TAX1BP1: variants seen among roughly 807,000 people sequenced by gnomAD.
The protein encoded by TAX1BP1 is tax1-binding protein 1.
Under a neutral mutation model 97.7 loss-of-function variants are expected in TAX1BP1, and 62 were observed. That is an observed-to-expected ratio of 0.63 (90% CI 0.52 to 0.78). TAX1BP1 has a LOEUF of 0.78. TAX1BP1 is among the 30% of genes least tolerant of loss of function. TAX1BP1 has a pLI of 0.00. For synonymous variants in TAX1BP1, 340 were observed against 304.2 expected (o/e 1.12, Z -1.23); for missense variants, 867 against 916.1 (o/e 0.95, Z 0.69).
chr7:27,799,638 A>T (rs963400261), intron 12 of TAX1BP1, among the ~76,000 whole-genome samples: 1 of 152,208 alleles, frequency 6.6e-6, no homozygotes, highest in Non-Finnish European at 1.5e-5. Context: ...ACATATAGAT[A>T]TTGTATTATA....
chr7:27,763,883 G>A (rs967484500), intron 3 of TAX1BP1, among the ~76,000 whole-genome samples: 3 of 152,182 alleles, frequency 2.0e-5, no homozygotes, highest in African/African-American at 7.2e-5. Flanking sequence ...TTTTAAATAA[G>A]CCTAGTGGCT....
Position 27,828,766 on chromosome 7 carries a change from C to G in TAX1BP1, c.2307C>G (p.Asp769Glu). Reference sequence around the variant, plus strand: ...GCGAGCAGTTCCCTCCTGACTATGACCAGCAGGTGTTTGAAAGGCATGTGC... The same window carrying G: ...GCGAGCAGTTCCCTCCTGACTATGAGCAGCAGGTGTTTGAAAGGCATGTGC... ...MCSEQFPPDY[D>E]QQVFERHVQT... The change falls in exon 17 of 17, where the codon GAC (aspartate) becomes GAG (glutamate). Residue 769 changes from aspartate (D) to glutamate (E), a missense_variant. Asp to Glu is a conservative substitution (Grantham distance 45). Around this residue, in one of 3 missense-constraint regions of TAX1BP1, gnomAD observed 34 missense variants for 33.2 expected, o/e 1.02. Transcript: ENST00000396319. 6.2e-7 allele frequency: 1 copy of G among 1,613,794 alleles called. No homozygotes were observed. Among genetic ancestry groups the G allele is most frequent in the Non-Finnish European group, 8.5e-7 (1 of 1,179,970 alleles).
intron 2 of TAX1BP1, among the ~76,000 whole-genome samples, chr7:27,753,413 G>A (rs1272541060): frequency 6.6e-6 from 1 of 152,204 alleles, no homozygotes; most frequent in Non-Finnish European, 1.5e-5. Flanking sequence ...TCCGTTTTGT[G>A]TTTATGAATT....
At chr7:27,826,555 C>G (rs1475298340) in intron 15 of TAX1BP1, among the ~76,000 whole-genome samples, 1 of 152,082 alleles carries the variant, frequency 6.6e-6, no homozygotes, top group Admixed American at 6.5e-5. Context: ...TGGGGATATG[C>G]TGTTAGTTCA....
rs375645372 is a variant in TAX1BP1 at position 27,816,896 on chromosome 7, C to T, written c.1943C>T (p.Ala648Val). ...PYASQETRDG[A>V]DGAFYPDEIQ... ...TCCAAAAATTTTATTACAGATGGAG[C>T]AGATGGTGCTTTTTACCCAGATGAA... The change falls in exon 15 of 17, where the codon GCA (alanine) becomes GTA (valine). Residue 648 changes from alanine to valine, a missense_variant. Ala to Val is a moderately conservative substitution (Grantham distance 64, BLOSUM62 0). This residue lies in a region of TAX1BP1 where 822 missense variants were observed against 851.4 expected (regional missense o/e 0.97). Coordinates refer to ENST00000396319, the MANE Select transcript of TAX1BP1 (RefSeq NM_006024.7). 2 of 1,613,826 alleles carry T rather than the reference C, an allele frequency of 1.2e-6. No homozygotes were observed. Among genetic ancestry groups the T allele is most frequent in the Non-Finnish European group, 1.7e-6 (2 of 1,179,928 alleles).
Position 27,796,193 on chromosome 7 carries a change from T to G in TAX1BP1, c.1612T>G (p.Tyr538Asp). 1 of 1,590,256 alleles carries G rather than the reference T, an allele frequency of 6.3e-7. No individual in the cohort carries two copies. The stretch of plus-strand genomic sequence containing the variant: ...AGAAATTGCTGACAAAACAGAAAAG[T>G]ATAATAAATGTAAACAACTCTTGCA... ...TKEIADKTEK[Y>D]NKCKQLLQDE... The change falls in exon 12 of 17, where the codon TAT becomes GAT. Residue 538 changes from tyrosine (Y) to aspartate (D), a missense_variant. Coordinates refer to ENST00000396319, the MANE Select transcript of TAX1BP1 (RefSeq NM_006024.7).
chr7:27,754,875 A>G (rs199717054), intron 2 of TAX1BP1, among the ~76,000 whole-genome samples: 2 of 151,898 alleles, frequency 1.3e-5, no homozygotes, highest in East Asian at 1.9e-4. Context: ...AAACCACCCC[A>G]CCTGGCTTGT....
intron 1 of TAX1BP1, among the ~76,000 whole-genome samples, chr7:27,746,766 A>C (rs1787837628): frequency 6.6e-6 from 1 of 152,160 alleles, no homozygotes; most frequent in Non-Finnish European, 1.5e-5. Flanking sequence ...GAGGCTGACA[A>C]CTAGCCTGAT....
chr7:27,825,120 C>G (rs1367671791), intron 15 of TAX1BP1, among the ~76,000 whole-genome samples: 1 of 151,722 alleles, frequency 6.6e-6, no homozygotes, highest in African/African-American at 2.4e-5. Context: ...ATCAGTGTTA[C>G]ATGGTGTCAT....
In TAX1BP1 at chr7:27,785,355, A is replaced by G. The variant is rs766672522; in HGVS notation, c.761+44A>G. On this transcript the variant is annotated intron_variant, in intron 6 of 16. Coordinates refer to ENST00000396319, the MANE Select transcript of TAX1BP1 (RefSeq NM_006024.7). ...AAAAATAAATTCAATAAAAATTTTA[A>G]AACTTTAAAACATTATAATGTTACT... 5.0e-6 allele frequency: 8 copies of G among 1,590,072 alleles called. No homozygotes were observed. The South Asian group carries it at 9.3e-5, about 18-fold the overall frequency.
intron 11 of TAX1BP1, 150 bp downstream of exon 11, chr7:27,794,596 A>G (rs1789850230): frequency 2.5e-6 from 2 of 803,526 alleles, no homozygotes; most frequent in Admixed American, 6.0e-5. Flanking sequence ...AAGGGTATAA[A>G]TGTAAAATAG....
At chr7:27,816,096 G>A (rs572918615) in intron 13 of TAX1BP1, among the ~76,000 whole-genome samples, 6 of 152,276 alleles carry the variant, frequency 3.9e-5, no homozygotes, top group African/African-American at 1.4e-4. Flanking sequence ...AACTCAATGA[G>A]AATGATGTAC....
chr7:27,796,729 G>A (rs1490643252), intron 12 of TAX1BP1, among the ~76,000 whole-genome samples: 1 of 151,950 alleles, frequency 6.6e-6, no homozygotes, highest in African/African-American at 2.4e-5. Context: ...AGGCTGTGGT[G>A]GAGCATGCCT....
chr7:27,792,230 G>C lies in TAX1BP1; in HGVS notation c.1263G>C (p.Gln421His). 1 of 1,597,192 alleles carries C rather than the reference G, an allele frequency of 6.3e-7. No individual in the cohort carries two copies. Among genetic ancestry groups the C allele is most frequent in the East Asian group, 2.3e-5 (1 of 43,932 alleles). ...ELKLNAMKKDQDKTDTLEHEL... is the reference protein window; with the variant it reads ...ELKLNAMKKDHDKTDTLEHEL... ...AACTAAATGCTATGAAAAAAGATCAGGTAAAACAAGTTAATTTTGAATTTG... is the reference window on the plus strand; with the variant it reads ...AACTAAATGCTATGAAAAAAGATCACGTAAAACAAGTTAATTTTGAATTTG... Residue 421 changes from glutamine (Q) to histidine (H), a missense_variant and splice_region_variant, in exon 9 of 17, where the codon CAG (glutamine) becomes CAC (histidine). Gln to His is a conservative substitution (Grantham distance 24). Coordinates refer to ENST00000396319, the MANE Select transcript of TAX1BP1 (RefSeq NM_006024.7).
At chr7:27,804,784 T>G (rs1790271084) in intron 13 of TAX1BP1, among the ~76,000 whole-genome samples, 1 of 152,230 alleles carries the variant, frequency 6.6e-6, no homozygotes, top group South Asian at 2.1e-4. Flanking sequence ...CAGGGAATGC[T>G]CAACCTGTGT....
chr7:27,808,050 T>A (rs1790408544), intron 13 of TAX1BP1, among the ~76,000 whole-genome samples: 1 of 152,202 alleles, frequency 6.6e-6, no homozygotes, highest in Admixed American at 6.5e-5. Context: ...GCTCATCTTG[T>A]TATTTTCCTG....
intron 8 of TAX1BP1, among the ~76,000 whole-genome samples, chr7:27,791,595 T>G (rs1400669441): frequency 6.6e-6 from 1 of 152,164 alleles, no homozygotes; most frequent in African/African-American, 2.4e-5. Context: ...GAAACATCTT[T>G]TAACCAAAAT....
intron 13 of TAX1BP1, among the ~76,000 whole-genome samples, chr7:27,801,394 T>C (rs1790133570): frequency 6.6e-6 from 1 of 152,164 alleles, no homozygotes; most frequent in Non-Finnish European, 1.5e-5. Context: ...TTACATTAGC[T>C]TATTATTTCT....
chr7:27,817,099 G>C (rs568731759), intron 15 of TAX1BP1, 61 bp downstream of exon 15: 25 of 1,568,228 alleles, frequency 1.6e-5, no homozygotes, highest in Non-Finnish European at 2.1e-5. Flanking sequence ...TATGTAGAGA[G>C]TTAAGGGTAT....
Sources: allele counts gnomAD v4.1 joint callset (sites outside exome capture counted in the v4.1 genomes callset), GRCh38; gene constraint gnomAD v4.1.1; regional missense constraint gnomAD v4.1.1; transcripts MANE v1.5; gene names NCBI Gene and HGNC (gene_info 2026-07-23, HGNC 2026-07-21).